FBXW8: variants seen among roughly 807,000 people sequenced by gnomAD.
The protein encoded by FBXW8 is F-box/WD repeat-containing protein 8.
FBXW8 carries 57 observed loss-of-function variants against 65.3 expected under a neutral mutation model. The observed-to-expected ratio is 0.87, with a 90% CI of 0.71 to 1.09. The LOEUF (loss-of-function observed/expected upper bound fraction) is 1.09. Among genes scored for constraint, FBXW8 ranks in the 50% least tolerant of loss-of-function variants. The pLI, the probability that FBXW8 is intolerant of heterozygous loss-of-function variation, is 0.00. For missense variants in FBXW8, 777 were observed against 814.8 expected, an observed-to-expected ratio of 0.95 and a Z score of 0.57; for synonymous variants, 308 against 330.2, an observed-to-expected ratio of 0.93 and a Z score of 0.73.
At chr12:116,919,333 A>C (rs1363160708) in intron 1 of FBXW8, among the ~76,000 whole-genome samples, 1 of 152,216 alleles carries the variant, frequency 6.6e-6, no homozygotes, top group African/African-American at 2.4e-5. Context: ...GCAGTCAAGC[A>C]GACCTGAGTT....
chr12:116,959,063 T>C (rs1883825322), intron 4 of FBXW8, among the ~76,000 whole-genome samples: 1 of 152,176 alleles, frequency 6.6e-6, no homozygotes, highest in Admixed American at 6.5e-5. Context: ...TATGATCCTG[T>C]AGAGAAAGAA....
At chr12:116,935,772 G>GA (rs957801094) in intron 2 of FBXW8, among the ~76,000 whole-genome samples, 6 of 151,722 alleles carry the variant, frequency 4.0e-5, no homozygotes, top group South Asian at 2.1e-4. Flanking sequence ...AAGTTTACTA[G>GA]AAAAAAAAGC....
At chr12:116,957,705 G>T (rs1341230822) in intron 4 of FBXW8, among the ~76,000 whole-genome samples, 1 of 152,108 alleles carries the variant, frequency 6.6e-6, no homozygotes, top group African/African-American at 2.4e-5. Flanking sequence ...TTTAAACCTT[G>T]TTTTGTATAG....
At chr12:116,974,717 C>T (rs529334250) in intron 5 of FBXW8, among the ~76,000 whole-genome samples, 33 of 152,254 alleles carry the variant, frequency 2.2e-4, no homozygotes, top group African/African-American at 7.2e-4. Context: ...TGCACTCCAG[C>T]CTGGGTGACA....
rs116845620 is a variant in FBXW8 at position 117,015,777 on chromosome 12, A to G, written c.1367+5327A>G. Among the ~76,000 whole-genome samples the G allele has an allele frequency of 1.1e-3, 161 of 152,326 alleles. 4 individuals are homozygous for G. Among genetic ancestry groups the G allele is most frequent in the East Asian group, 4.8e-3 (25 of 5,176 alleles). The stretch of plus-strand genomic sequence containing the variant: ...TCCACAAGGTTGTGCAGTTATCACT[A>G]CAGTCCATTTTAGAACATTTTCACC... On this transcript the variant is annotated intron_variant, in intron 8 of 10. Coordinates refer to ENST00000652555, the MANE Select transcript of FBXW8 (RefSeq NM_153348.3).
chr12:116,999,851 C>T (rs573270328), intron 7 of FBXW8, among the ~76,000 whole-genome samples: 1 of 152,230 alleles, frequency 6.6e-6, no homozygotes, highest in Non-Finnish European at 1.5e-5. Flanking sequence ...TCCCCTCTTC[C>T]TCTCCTGTCT....
At chr12:117,014,976 G>A (rs867534169) in intron 8 of FBXW8, among the ~76,000 whole-genome samples, 3 of 152,034 alleles carry the variant, frequency 2.0e-5, no homozygotes, top group Non-Finnish European at 2.9e-5. Flanking sequence ...TCTACCTGCC[G>A]GCATCGCCGC....
At chr12:116,911,470 G>A in intron 1 of FBXW8, 115 bp downstream of exon 1, 1 of 696,108 alleles carries the variant, frequency 1.4e-6, no homozygotes. Flanking sequence ...GAGAAAATGA[G>A]TAGACGCACA....
At chr12:117,025,840 C>G (rs1954215607) in intron 9 of FBXW8, among the ~76,000 whole-genome samples, 1 of 152,244 alleles carries the variant, frequency 6.6e-6, no homozygotes, top group African/African-American at 2.4e-5. Flanking sequence ...CCCCCAACTC[C>G]AGTAGATCTC....
chr12:116,959,984 C>T (rs1041410552), intron 4 of FBXW8, among the ~76,000 whole-genome samples: 4 of 152,160 alleles, frequency 2.6e-5, no homozygotes, highest in African/African-American at 4.8e-5. Context: ...TTTGCACAGA[C>T]GCTAATTAGA....
chr12:116,979,777 C>CAA (rs60145855), intron 5 of FBXW8, among the ~76,000 whole-genome samples: 2,201 of 74,378 alleles, frequency 0.03, 68 homozygotes, highest in South Asian at 0.076. Context: ...CAGGGAATGG[C>CAA]AAAAAAAAAA....
At chr12:116,916,239 A>G (rs997844836) in intron 1 of FBXW8, among the ~76,000 whole-genome samples, 2 of 152,206 alleles carry the variant, frequency 1.3e-5, no homozygotes, top group African/African-American at 4.8e-5. Flanking sequence ...GGAATTGGTG[A>G]GTCATAAGGT....
In FBXW8 at chr12:116,989,843, A is replaced by G. The variant is rs147549342; in HGVS notation, c.1239+974A>G. Among the ~76,000 whole-genome samples the G allele has an allele frequency of 2.1e-3, 325 of 152,314 alleles. 1 individual carries two copies. Among genetic ancestry groups the G allele is most frequent in the African/African-American group, 6.7e-3 (277 of 41,564 alleles). On this transcript the variant is annotated intron_variant, in intron 7 of 10. Coordinates refer to ENST00000652555, the MANE Select transcript of FBXW8 (RefSeq NM_153348.3). The stretch of plus-strand genomic sequence containing the variant: ...GTTTCCTTAACCCTCTTTATGCCTC[A>G]GTTTCCTCATTTGTAAAATAGAGTT...
Position 117,025,494 on chromosome 12 carries a change from G to A in FBXW8, c.1541+1174G>A, listed in dbSNP as rs60199013. Among the ~76,000 whole-genome samples the A allele has an allele frequency of 5.9e-3, 897 of 152,306 alleles. 12 individuals carry two copies. The highest frequency in any genetic ancestry group is 0.021 in the African/African-American group (854 of 41,556). ...GAACACAACCTCTGAGCAGCGACAT[G>A]GTCTTTATGGAAGTGCAAGGTCAGC... is the stretch of plus-strand genomic sequence containing the variant. On this transcript the variant is annotated intron_variant, in intron 9 of 10. Coordinates refer to ENST00000652555, the MANE Select transcript of FBXW8 (RefSeq NM_153348.3).
At chr12:117,022,344 A>G (rs939186227) in intron 8 of FBXW8, among the ~76,000 whole-genome samples, 13 of 150,732 alleles carry the variant, frequency 8.6e-5, no homozygotes, top group Non-Finnish European at 1.6e-4. Context: ...TATAGTGACT[A>G]AAGAAACTAT....
At chr12:117,000,177 C>T (rs1056964734) in intron 7 of FBXW8, among the ~76,000 whole-genome samples, 5 of 152,204 alleles carry the variant, frequency 3.3e-5, no homozygotes, top group Admixed American at 2.0e-4. Context: ...GTGGTTTCAC[C>T]GTGTTAGCCA....
chr12:116,978,708 A>G (rs1885111329), intron 5 of FBXW8: 1 of 152,234 alleles, frequency 6.6e-6, no homozygotes, highest in Admixed American at 6.5e-5. Context: ...CCAGCTCTGT[A>G]GTTGAAGAAG....
At chr12:116,981,496 T>C (rs144244127) in intron 5 of FBXW8, among the ~76,000 whole-genome samples, 290 of 152,322 alleles carry the variant, frequency 1.9e-3, no homozygotes, top group African/African-American at 6.7e-3. Context: ...TAACAATGTA[T>C]TTAAGGTTTA....
chr12:116,927,170 G>T (rs1479303734), intron 1 of FBXW8, among the ~76,000 whole-genome samples: 1 of 152,080 alleles, frequency 6.6e-6, no homozygotes, highest in Non-Finnish European at 1.5e-5. Context: ...AGGCAGAGGG[G>T]TACATACATA....
Sources: allele counts gnomAD v4.1 joint callset (sites outside exome capture counted in the v4.1 genomes callset), GRCh38; gene constraint gnomAD v4.1.1; transcripts MANE v1.5; gene names NCBI Gene and HGNC (gene_info 2026-07-23, HGNC 2026-07-21).